Variants in ITPR1 observed in about 807,000 individuals in gnomAD.
ITPR1 encodes inositol 1,4,5-trisphosphate-gated calcium channel ITPR1.
In ITPR1, 96 loss-of-function variants were observed where a neutral mutation model predicts 318.4. That is an observed-to-expected ratio of 0.30 (90% CI 0.26 to 0.36). ITPR1 has a LOEUF of 0.36. ITPR1 is among the 10% of genes least tolerant of loss of function. The pLI, the probability that ITPR1 is intolerant of heterozygous loss-of-function variation, is 1.00. For synonymous variants in ITPR1, 1,312 were observed against 1,289.9 expected, an observed-to-expected ratio of 1.02 and a Z score of -0.37; for missense variants, 2,440 against 3,460.2, an observed-to-expected ratio of 0.71 and a Z score of 7.40.
intron 49 of ITPR1, among the ~76,000 whole-genome samples, chr3:4,782,102 C>A (rs745678794): frequency 6.6e-6 from 1 of 152,196 alleles, no homozygotes; most frequent in Non-Finnish European, 1.5e-5. Flanking sequence ...GTAGGTAATA[C>A]TAGTTCGTGC....
At chr3:4,684,101 A>T (rs1341046788) in intron 28 of ITPR1, among the ~76,000 whole-genome samples, 180 bp from the exon 29 acceptor site, 1 of 152,238 alleles carries the variant, frequency 6.6e-6, no homozygotes, top group Non-Finnish European at 1.5e-5. Flanking sequence ...CCAGCCCACT[A>T]CTATCCCTTC....
chr3:4,745,056 T>TTC (rs2043996336), intron 44 of ITPR1, among the ~76,000 whole-genome samples: 1 of 710 alleles, frequency 1.4e-3, no homozygotes, highest in Non-Finnish European at 6.9e-3. Flanking sequence ...TTCTTTTCCT[T>TTC]TCTCTTTCTG....
intron 4 of ITPR1, among the ~76,000 whole-genome samples, chr3:4,623,874 A>G (rs1334261490): frequency 1.3e-5 from 2 of 152,232 alleles, no homozygotes; most frequent in African/African-American, 4.8e-5. Flanking sequence ...ACTTAATGCA[A>G]TGCAATACTC....
At chr3:4,602,345 C>A (rs1282449461) in intron 4 of ITPR1, among the ~76,000 whole-genome samples, 1 of 151,850 alleles carries the variant, frequency 6.6e-6, no homozygotes, top group Non-Finnish European at 1.5e-5. Flanking sequence ...CATGGCAAAA[C>A]CCTGTCTCTG....
chr3:4,600,391 T>C (rs2091179700), intron 4 of ITPR1, among the ~76,000 whole-genome samples: 1 of 152,074 alleles, frequency 6.6e-6, no homozygotes, highest in South Asian at 2.1e-4. Flanking sequence ...GGTTTTGTTG[T>C]GGGTGGTCTT....
At chr3:4,604,740 G>C (rs2091575205) in intron 4 of ITPR1, among the ~76,000 whole-genome samples, 2 of 152,110 alleles carry the variant, frequency 1.3e-5, no homozygotes, top group African/African-American at 4.8e-5. Context: ...GGGAGGACCT[G>C]TGACTACCAG....
At chr3:4,584,625 C>T (rs1341476146) in intron 4 of ITPR1, among the ~76,000 whole-genome samples, 1 of 151,072 alleles carries the variant, frequency 6.6e-6, no homozygotes, top group Non-Finnish European at 1.5e-5. Flanking sequence ...CCGAAGGAAA[C>T]GTTTTTCCCT....
intron 42 of ITPR1, among the ~76,000 whole-genome samples, chr3:4,727,990 G>T (rs866876926): frequency 3.4e-4 from 52 of 152,228 alleles, no homozygotes; most frequent in Middle Eastern, 6.8e-3. Flanking sequence ...TACAACTTTT[G>T]TACCCTGTTT....
chr3:4,510,641 A>G (rs2081744418), intron 2 of ITPR1, among the ~76,000 whole-genome samples: 1 of 152,248 alleles, frequency 6.6e-6, no homozygotes, highest in Admixed American at 6.5e-5. Flanking sequence ...TATAAAACAC[A>G]TCACACACAG....
chr3:4,743,671 A>G (rs1427997209), intron 44 of ITPR1, among the ~76,000 whole-genome samples: 1 of 152,140 alleles, frequency 6.6e-6, no homozygotes, highest in Non-Finnish European at 1.5e-5. Context: ...AGCCAACAAT[A>G]TGGGCAGAAG....
chr3:4,576,280 C>G (rs1371816991), intron 4 of ITPR1, among the ~76,000 whole-genome samples: 1 of 152,180 alleles, frequency 6.6e-6, no homozygotes, highest in Admixed American at 6.5e-5. Flanking sequence ...CCAAATTGGT[C>G]TTTGGACAAA....
chr3:4,578,835 C>T (rs1394520290), intron 4 of ITPR1, among the ~76,000 whole-genome samples: 2 of 152,190 alleles, frequency 1.3e-5, no homozygotes, highest in African/African-American at 4.8e-5. Context: ...ACACACAACC[C>T]TTACACTGGT....
chr3:4,510,045 G>A (rs765212640), intron 2 of ITPR1, among the ~76,000 whole-genome samples: 1 of 152,172 alleles, frequency 6.6e-6, no homozygotes, highest in Non-Finnish European at 1.5e-5. Flanking sequence ...AGAGTATGTT[G>A]GAAACGTATA....
chr3:4,743,423 G>A (rs2043847217), intron 44 of ITPR1, among the ~76,000 whole-genome samples: 1 of 152,232 alleles, frequency 6.6e-6, no homozygotes, highest in African/African-American at 2.4e-5. Context: ...CCTTAGCGCA[G>A]CTCTCTGAGT....
At chr3:4,761,064 C>G (rs995145690) in intron 44 of ITPR1, among the ~76,000 whole-genome samples, 4 of 152,230 alleles carry the variant, frequency 2.6e-5, no homozygotes, top group Admixed American at 6.5e-5. Context: ...AGAAAGTTGT[C>G]TCATTCCCAT....
At chr3:4,689,528 A>C (rs1057029207) in intron 31 of ITPR1, among the ~76,000 whole-genome samples, 8 of 152,334 alleles carry the variant, frequency 5.3e-5, no homozygotes, top group Middle Eastern at 3.4e-3. Flanking sequence ...CAACCAGCAG[A>C]CTATAATGCA....
rs886058618 is a variant in ITPR1, at chr3:4,711,820, A to G, written c.5055A>G (p.Leu1685=). 2 of 1,551,820 alleles carry G rather than the reference A, an allele frequency of 1.3e-6. No individual in the cohort carries two copies. The highest frequency in any genetic ancestry group is 1.4e-5 in the African/African-American group (1 of 73,120). ...ENEEKLCIKV[L]QTLREMMTKD... is the part of the protein sequence containing the mutation. ...AAGAGAAGCTCTGCATTAAGGTCCTACAGACCCTGAGGGAAATGATGACCA... is the reference window on the plus strand; with the variant it reads ...AAGAGAAGCTCTGCATTAAGGTCCTGCAGACCCTGAGGGAAATGATGACCA... The change falls in exon 39 of 62, where the codon CTA becomes CTG. Residue 1685 remains leucine (L), a synonymous_variant. Transcript: ENST00000649015.
At chr3:4,730,007 A>C (rs1486743425) in intron 42 of ITPR1, among the ~76,000 whole-genome samples, 1 of 150,440 alleles carries the variant, frequency 6.6e-6, no homozygotes, top group Non-Finnish European at 1.5e-5. Context: ...TGAGTAATTT[A>C]TATCAGGATG....
intron 44 of ITPR1, among the ~76,000 whole-genome samples, chr3:4,743,125 G>C (rs191689199): frequency 2.6e-5 from 4 of 152,302 alleles, no homozygotes; most frequent in Admixed American, 6.5e-5. Flanking sequence ...GTGCTCCCTG[G>C]CCCAGGCCAT....
Sources: gnomAD v4.1 joint callset for allele counts (sites outside exome capture counted in the v4.1 genomes callset) on GRCh38, gnomAD v4.1.1 for gene constraint, MANE v1.5 for transcripts, NCBI Gene and HGNC (gene_info 2026-07-23, HGNC 2026-07-21) for gene names.